Variants in RBFOX1 observed in about 807,000 individuals in gnomAD.
The protein encoded by RBFOX1 is RNA binding fox-1 homolog 1.
Under a neutral mutation model 57.7 loss-of-function variants are expected in RBFOX1, and 8 were observed. That is an observed-to-expected ratio of 0.14 (90% confidence interval 0.08 to 0.25). The LOEUF is 0.25. RBFOX1 is among the 10% of genes least tolerant of loss of function. RBFOX1 has a pLI of 1.00. For missense variants in RBFOX1, 611 were observed against 548.5 expected (o/e 1.11, Z -1.14); for synonymous variants, 326 against 222.4 (o/e 1.47, Z -4.15).
intron 4 of RBFOX1, among the ~76,000 whole-genome samples, chr16:7,108,346 G>C (rs1482905858): frequency 6.6e-6 from 1 of 152,112 alleles, no homozygotes; most frequent in East Asian, 1.9e-4. Flanking sequence ...AGTACAGCTT[G>C]TCCTTTGTTT....
chr16:7,306,538 T>C lies in RBFOX1; in HGVS notation c.28-211609T>C, dbSNP rs1291184452. On this transcript the variant is annotated intron_variant, in intron 4 of 15. Transcript: ENST00000550418. ...GGACTTGCACTGCTATCTGTGAAAGTGTTTATAATGTGATACTATGACATA... is the reference window on the plus strand; with the variant it reads ...GGACTTGCACTGCTATCTGTGAAAGCGTTTATAATGTGATACTATGACATA... 2.0e-5 allele frequency among the ~76,000 whole-genome samples: 3 copies of C among 151,874 alleles called. No individual in the cohort carries two copies. The East Asian group carries it at 5.8e-4, about 29-fold the overall frequency.
intron 3 of RBFOX1, among the ~76,000 whole-genome samples, chr16:6,763,840 G>A (rs1262868089): frequency 2.0e-5 from 3 of 152,172 alleles, no homozygotes; most frequent in African/African-American, 7.2e-5. Flanking sequence ...AACTTTTGAA[G>A]ATCTTCTGTA....
intron 4 of RBFOX1, among the ~76,000 whole-genome samples, chr16:7,344,604 C>G (rs975151053): frequency 6.6e-6 from 1 of 151,556 alleles, no homozygotes; most frequent in African/African-American, 2.4e-5. Flanking sequence ...ATTATTATTT[C>G]TACTCTTGCT....
In RBFOX1 at chr16:6,933,522, G is replaced by T. The variant is rs568229161; in HGVS notation, c.-15-118535G>T. On this transcript the variant is annotated intron_variant, in intron 3 of 15. Coordinates refer to ENST00000550418, the MANE Select transcript of RBFOX1 (RefSeq NM_018723.4). ...GAGGTCAGGAGTTCCAGACCAGCCT[G>T]ACCAGCATGGTGAAATCTCTTCTCT... is the stretch of plus-strand genomic sequence containing the variant. Among the ~76,000 whole-genome samples the T allele has an allele frequency of 2.4e-4, 36 of 152,334 alleles. No homozygotes were observed. The South Asian group carries it at 6.8e-3, about 29-fold the overall frequency.
chr16:6,913,882 C>A (rs955181265), intron 3 of RBFOX1, among the ~76,000 whole-genome samples: 6 of 152,174 alleles, frequency 3.9e-5, no homozygotes, highest in African/African-American at 9.7e-5. Flanking sequence ...AGCAAGGTGC[C>A]AGTCTCAACT....
chr16:6,612,406 T>A (rs1053082167), intron 2 of RBFOX1, among the ~76,000 whole-genome samples: 1 of 152,232 alleles, frequency 6.6e-6, no homozygotes. Flanking sequence ...ATATCATGTA[T>A]GCATATGTGT....
intron 5 of RBFOX1, among the ~76,000 whole-genome samples, chr16:7,539,432 C>G (rs775180751): frequency 6.6e-5 from 10 of 152,144 alleles, no homozygotes; most frequent in Non-Finnish European, 1.3e-4. Context: ...AAATAGGAGT[C>G]TCTTCTTGTA....
rs559165109 is a variant in RBFOX1, at chr16:7,306,664, C to T, written c.28-211483C>T. Among the ~76,000 whole-genome samples, 82 of 152,072 alleles carry T rather than the reference C, an allele frequency of 5.4e-4. 2 individuals are homozygous for T. In the South Asian group the frequency reaches 0.017, roughly 31 times the overall value. ...AATAAAGGCAGTCATTTATTTTTGC[C>T]TGTTTCATTCAGAATTAGGTTTTCT... On this transcript the variant is annotated intron_variant, in intron 4 of 15. Coordinates refer to ENST00000550418, the MANE Select transcript of RBFOX1 (RefSeq NM_018723.4).
At chr16:6,779,053 A>G (rs1046454701) in intron 3 of RBFOX1, among the ~76,000 whole-genome samples, 1 of 152,074 alleles carries the variant, frequency 6.6e-6, no homozygotes. Flanking sequence ...GAAATATACA[A>G]TGCATTATTG....
In RBFOX1 at chr16:7,159,447, A is replaced by G. The variant is rs538587181; in HGVS notation, c.27+107349A>G. On this transcript the variant is annotated intron_variant, in intron 4 of 15. Transcript: ENST00000550418. Reference sequence around the variant, plus strand: ...CATCTATGTCACTCTAGAGATCAGTATCCAGGATTCAGAAGGGTCATGAGG... The same window carrying G: ...CATCTATGTCACTCTAGAGATCAGTGTCCAGGATTCAGAAGGGTCATGAGG... 6.6e-5 allele frequency among the ~76,000 whole-genome samples: 10 copies of G among 152,260 alleles called. No homozygotes were observed. In the South Asian group the frequency reaches 8.3e-4, roughly 13 times the overall value.
At chr16:5,461,764 C>T (rs2068794658) in intron 1 of RBFOX1, among the ~76,000 whole-genome samples, 1 of 152,290 alleles carries the variant, frequency 6.6e-6, no homozygotes, top group African/African-American at 2.4e-5. Context: ...ATGGATGGCC[C>T]TGTGTCTGTT....
chr16:6,614,192 C>G (rs2098112086), intron 2 of RBFOX1, among the ~76,000 whole-genome samples: 1 of 152,084 alleles, frequency 6.6e-6, no homozygotes, highest in Non-Finnish European at 1.5e-5. Context: ...CTTGTTTCTT[C>G]TAAGTAATGA....
At chr16:6,574,569 C>T (rs1356997460) in intron 2 of RBFOX1, among the ~76,000 whole-genome samples, 1 of 150,410 alleles carries the variant, frequency 6.6e-6, no homozygotes, top group African/African-American at 2.4e-5. Flanking sequence ...GCTGGGACTA[C>T]AGGCGCCCGC....
chr16:5,772,353 TCA>T (rs150605306), intron 3 of RBFOX1, among the ~76,000 whole-genome samples: 20,514 of 152,016 alleles, frequency 0.13, 1,561 homozygotes, highest in African/African-American at 0.2. Context: ...CATGTGCTTT[TCA>T]CACACCCAAA....
chr16:6,538,647 G>A (rs932882079), intron 2 of RBFOX1, among the ~76,000 whole-genome samples: 1 of 152,196 alleles, frequency 6.6e-6, no homozygotes, highest in Non-Finnish European at 1.5e-5. Context: ...TGGTTGGATT[G>A]CAGAATGGCA....
chr16:7,084,469 G>A (rs1038120185), intron 4 of RBFOX1, among the ~76,000 whole-genome samples: 1 of 152,170 alleles, frequency 6.6e-6, no homozygotes, highest in Non-Finnish European at 1.5e-5. Context: ...TACTTAGAGA[G>A]ATCCATTCTT....
intron 4 of RBFOX1, among the ~76,000 whole-genome samples, chr16:7,068,045 G>A (rs184638460): frequency 8.9e-4 from 129 of 145,668 alleles, no homozygotes; most frequent in Non-Finnish European, 1.5e-3. Context: ...TGACTCTCTC[G>A]TGCCTCTTCT....
chr16:5,486,964 A>G (rs4786033), intron 2 of RBFOX1, among the ~76,000 whole-genome samples: 46,269 of 151,664 alleles, frequency 0.31, 7,683 homozygotes, highest in South Asian at 0.56. Context: ...CTCAGTGGAG[A>G]CTCCGGTCCC....
At chr16:7,214,196 T>G (rs1922592) in intron 4 of RBFOX1, among the ~76,000 whole-genome samples, 136,556 of 152,162 alleles carry the variant, frequency 0.9, 61,631 homozygotes, top group East Asian at 0.99. Context: ...CCTTCATTTA[T>G]CCTAGGATAT....
Sources: allele counts gnomAD v4.1 joint callset (sites outside exome capture counted in the v4.1 genomes callset), GRCh38; gene constraint gnomAD v4.1.1; transcripts MANE v1.5; gene names NCBI Gene and HGNC (gene_info 2026-07-23, HGNC 2026-07-21).